PLBD2: variants seen among roughly 807,000 people sequenced by gnomAD.
PLBD2 encodes putative aminopeptidase PLBD2.
In PLBD2, 51 loss-of-function variants were observed where a neutral mutation model predicts 68.3. The ratio of observed to expected loss-of-function variants is 0.75; its 90% CI spans 0.60 to 0.94. The LOEUF (loss-of-function observed/expected upper bound fraction) is 0.94, where lower values mean the gene tolerates loss of function less well. Among genes scored for constraint, PLBD2 ranks in the 40% least tolerant of loss-of-function variants. The pLI, the probability that PLBD2 is intolerant of heterozygous loss-of-function variation, is 0.00. For synonymous variants in PLBD2, 314 were observed against 339.3 expected, an observed-to-expected ratio of 0.93 and a Z score of 0.82; for missense variants, 729 against 792.2, an observed-to-expected ratio of 0.92 and a Z score of 0.96.
At chr12:113,358,956 C>A in intron 1 of PLBD2, 66 bp downstream of exon 1, 1 of 1,443,718 alleles carries the variant, frequency 6.9e-7, no homozygotes, top group Non-Finnish European at 9.1e-7. Context: ...CCGGACCTCG[C>A]CTGTTCCCGG....
In PLBD2 at chr12:113,363,411, ACAGAGT is replaced by A. The variant is rs1593278304; in HGVS notation, c.290+4522_290+4527del. On this transcript the variant is annotated intron_variant, in intron 1 of 11. Coordinates refer to ENST00000280800, the MANE Select transcript of PLBD2 (RefSeq NM_173542.4). Reference sequence around the variant, plus strand: ...ACGCCAGTGCACTCCAGCCTGGGTGACAGAGTGAGACCCTATCTCAAACAAAACAAA... The same window carrying A: ...ACGCCAGTGCACTCCAGCCTGGGTGAGAGACCCTATCTCAAACAAAACAAA... 3.3e-5 allele frequency among the ~76,000 whole-genome samples: 5 copies of A among 152,286 alleles called. No homozygotes were observed. The South Asian group carries it at 1.0e-3, about 32-fold the overall frequency.
intron 5 of PLBD2, among the ~76,000 whole-genome samples, chr12:113,379,909 AGAGTTGT>A (rs1201944935): frequency 5.9e-5 from 9 of 152,212 alleles, no homozygotes; most frequent in African/African-American, 2.2e-4. Context: ...ACGCACACAC[AGAGTTGT>A]CCCTTGGTGT....
Position 113,390,494 on chromosome 12 carries a change from C to T in PLBD2, c.*1868C>T, listed in dbSNP as rs900130881. 4 of 151,966 alleles carry T rather than the reference C, an allele frequency of 2.6e-5. No individual in the cohort carries two copies. Among genetic ancestry groups the T allele is most frequent in the Admixed American group, 1.3e-4 (2 of 15,226 alleles). The allele number at this position is 151,966 out of a possible 1,614,324, so 9.4% of individuals were successfully genotyped here. A position where few individuals can be genotyped will look rare whatever the true frequency, so the allele number is the denominator to read the frequency against. On this transcript the variant is annotated 3_prime_UTR_variant, in exon 12 of 12. Coordinates refer to ENST00000280800, the MANE Select transcript of PLBD2 (RefSeq NM_173542.4). ...CCATCCTTCCAACCATTTATCCACCCATCCAAACATTTCCATCTGTTTTTC... is the reference window on the plus strand; with the variant it reads ...CCATCCTTCCAACCATTTATCCACCTATCCAAACATTTCCATCTGTTTTTC...
intron 10 of PLBD2, 47 bp from the exon 11 acceptor site, chr12:113,387,697 C>T: frequency 6.3e-7 from 1 of 1,591,606 alleles, no homozygotes; most frequent in Non-Finnish European, 8.6e-7. Flanking sequence ...CCCGTCTTAG[C>T]CTCTCCTTCC....
chr12:113,384,028 A>T lies in PLBD2; in HGVS notation c.958-77A>T. The T allele has an allele frequency of 4.2e-4, 388 of 931,330 alleles. No homozygotes were observed. The highest frequency in any genetic ancestry group is 5.4e-4 in the Non-Finnish European group (361 of 667,958). 57.7% of individuals were successfully genotyped at this position (931,330 alleles called of 1,614,324 possible). ...AAAAAAAAAAAAAAAAAATTTTTGG[A>T]GCCATGACTGATGAAGTACTGCCAC... On this transcript the variant is annotated intron_variant, in intron 6 of 11. Transcript: ENST00000280800. The surrounding 1 kb of genome is among the most constrained non-coding windows in gnomAD (Gnocchi z 4.2).
intron 6 of PLBD2, 24 bp downstream of exon 6, chr12:113,380,866 T>G: frequency 6.5e-7 from 1 of 1,542,600 alleles, no homozygotes; most frequent in South Asian, 1.2e-5. Flanking sequence ...TCATGTCTCC[T>G]CTGTTCCTGG....
intron 8 of PLBD2, 85 bp downstream of exon 8, chr12:113,385,031 A>G: frequency 7.1e-7 from 1 of 1,411,734 alleles, no homozygotes; most frequent in South Asian, 1.2e-5. Flanking sequence ...GGCGCTGTGC[A>G]GGAAGTGAAC....
intron 6 of PLBD2, among the ~76,000 whole-genome samples, chr12:113,381,211 C>T (rs997930812): frequency 5.9e-5 from 9 of 152,094 alleles, no homozygotes; most frequent in African/African-American, 1.2e-4. Context: ...AGTGACCTCA[C>T]TTGTTTTTAT....
At chr12:113,377,518 T>C (rs945205181) in intron 5 of PLBD2, among the ~76,000 whole-genome samples, 1 of 152,170 alleles carries the variant, frequency 6.6e-6, no homozygotes, top group Non-Finnish European at 1.5e-5. Flanking sequence ...CTCTGCTTCC[T>C]AGGTTCAAGC....
chr12:113,386,338 G>A (rs1048024677), intron 9 of PLBD2, among the ~76,000 whole-genome samples: 1 of 149,292 alleles, frequency 6.7e-6, no homozygotes, highest in Non-Finnish European at 1.5e-5. Flanking sequence ...ACAGGCACGT[G>A]CCACCACGCC....
chr12:113,358,595 G>A lies in PLBD2; in HGVS notation c.-6G>A, dbSNP rs1250441000. The A allele has an allele frequency of 6.8e-7, 1 of 1,467,684 alleles. No individual in the cohort carries two copies. Among genetic ancestry groups the A allele is most frequent in the Non-Finnish European group, 8.9e-7 (1 of 1,119,106 alleles). 90.9% of individuals were successfully genotyped at this position (1,467,684 alleles called of 1,614,324 possible). A position where few individuals can be genotyped will look rare whatever the true frequency, so the allele number is the denominator to read the frequency against. The stretch of plus-strand genomic sequence containing the variant: ...CCCGGGCTGCGGGGCGCAGCATTGT[G>A]CGGTCATGGTGGGCCAGATGTACTG... On this transcript the variant is annotated 5_prime_UTR_variant, in exon 1 of 12. Coordinates refer to ENST00000280800, the MANE Select transcript of PLBD2 (RefSeq NM_173542.4).
At chr12:113,382,879 T>G (rs1342318083) in intron 6 of PLBD2, among the ~76,000 whole-genome samples, 229 of 140,436 alleles carry the variant, frequency 1.6e-3, no homozygotes, top group African/African-American at 5.8e-3. Flanking sequence ...TTTTTTTTTT[T>G]TTTTTTTTTT....
chr12:113,386,725 G>A (rs1241052331), intron 9 of PLBD2, among the ~76,000 whole-genome samples: 2 of 152,142 alleles, frequency 1.3e-5, no homozygotes, highest in Non-Finnish European at 1.5e-5. Flanking sequence ...CACCATGTTG[G>A]CCAGGCTAGT....
intron 2 of PLBD2, 97 bp downstream of exon 2, chr12:113,369,306 C>T: frequency 1.2e-6 from 1 of 834,862 alleles, no homozygotes. Flanking sequence ...AGTAGGCCCC[C>T]AACTCCTGCC....
chr12:113,378,405 G>A (rs996129936), intron 5 of PLBD2, among the ~76,000 whole-genome samples: 1 of 152,076 alleles, frequency 6.6e-6, no homozygotes, highest in Non-Finnish European at 1.5e-5. Flanking sequence ...TGCTTTCTGA[G>A]TTTTTTTAAA....
At chr12:113,375,802 G>A (rs1180824703) in intron 5 of PLBD2, among the ~76,000 whole-genome samples, 1 of 152,166 alleles carries the variant, frequency 6.6e-6, no homozygotes, top group African/African-American at 2.4e-5. Context: ...ATGTAGCACT[G>A]GGGCAGGATA....
intron 1 of PLBD2, among the ~76,000 whole-genome samples, chr12:113,364,101 G>A (rs1957320714): frequency 6.6e-6 from 1 of 152,236 alleles, no homozygotes; most frequent in African/African-American, 2.4e-5. Context: ...TTCTGGCTTT[G>A]AAGAGAAGTC....
rs778143007 is a variant in PLBD2 at position 113,385,248 on chromosome 12, C to CT, written c.1252dup (p.Tyr418LeufsTer37). ...TGGTGGCTGACAAGACCTCGGAGCTCTACCAGAAGACCTACTGGGCCAGCT... is the reference window on the plus strand; with the variant it reads ...TGGTGGCTGACAAGACCTCGGAGCTCTTACCAGAAGACCTACTGGGCCAGCT... On this transcript the variant is annotated frameshift_variant, in exon 9 of 12. Transcript: ENST00000280800. The CT allele has an allele frequency of 6.2e-7, 1 of 1,614,168 alleles. No individual in the cohort carries two copies. The highest frequency in any genetic ancestry group is 8.5e-7 in the Non-Finnish European group (1 of 1,180,006).
At chr12:113,360,039 A>G (rs1430710480) in intron 1 of PLBD2, among the ~76,000 whole-genome samples, 1 of 152,154 alleles carries the variant, frequency 6.6e-6, no homozygotes, top group Non-Finnish European at 1.5e-5. Flanking sequence ...TTTAGCCCCT[A>G]TCCATTTTAC....
Sources: allele counts gnomAD v4.1 joint callset (sites outside exome capture counted in the v4.1 genomes callset), GRCh38; gene constraint gnomAD v4.1.1; non-coding constraint Gnocchi (gnomAD v3.1); transcripts MANE v1.5; gene names NCBI Gene and HGNC (gene_info 2026-07-23, HGNC 2026-07-21).